Variants in ZCCHC7 observed in about 807,000 individuals in gnomAD.
The protein encoded by ZCCHC7 is zinc finger CCHC-type containing 7, also known as zinc finger CCHC domain-containing protein 7.
A neutral mutation model predicts 52.0 loss-of-function variants in ZCCHC7; 35 were observed. The observed-to-expected ratio is 0.67, with a 90% CI of 0.51 to 0.89. ZCCHC7 has a LOEUF of 0.89. Ranked by LOEUF, ZCCHC7 falls within the 40% of genes least tolerant of loss-of-function variation. ZCCHC7 has a pLI of 0.00. For synonymous variants in ZCCHC7, 217 were observed against 221.5 expected (o/e 0.98, Z 0.18); for missense variants, 574 against 649.1 (o/e 0.88, Z 1.26).
chr9:37,124,451 A>G (rs1842455961), intron 1 of ZCCHC7, among the ~76,000 whole-genome samples: 2 of 151,976 alleles, frequency 1.3e-5, no homozygotes, highest in Non-Finnish European at 2.9e-5. Flanking sequence ...TTATGAATTC[A>G]GCAAACGTTT....
chr9:37,167,245 A>G (rs1291165777), intron 2 of ZCCHC7, among the ~76,000 whole-genome samples: 1 of 148,450 alleles, frequency 6.7e-6, no homozygotes, highest in Non-Finnish European at 1.5e-5. Context: ...TTAATACCAG[A>G]TATTGTAGCT....
chr9:37,242,011 G>A (rs1400721842), intron 2 of ZCCHC7, among the ~76,000 whole-genome samples: 2 of 151,506 alleles, frequency 1.3e-5, no homozygotes, highest in African/African-American at 4.9e-5. Flanking sequence ...TAGTGATGCT[G>A]ATATTTTCTC....
rs1281424844 is a variant in ZCCHC7, at chr9:37,136,008, T to C, written c.610+9066T>C. 3.3e-5 allele frequency among the ~76,000 whole-genome samples: 5 copies of C among 152,136 alleles called. No homozygotes were observed. In the East Asian group the frequency reaches 9.6e-4, roughly 29 times the overall value. ...GAATTTTAGGTTTTCTAGTAAATCA[T>C]TTTGTTTGATCTAGGTCTTTACATA... On this transcript the variant is annotated intron_variant, in intron 2 of 8. Coordinates refer to ENST00000336755, the MANE Select transcript of ZCCHC7 (RefSeq NM_032226.3).
At chr9:37,123,359 T>A (rs908066193) in intron 1 of ZCCHC7, among the ~76,000 whole-genome samples, 24 of 152,206 alleles carry the variant, frequency 1.6e-4, no homozygotes, top group African/African-American at 5.1e-4. Flanking sequence ...AACCCTGGCA[T>A]ACATAAACTA....
At chr9:37,203,750 T>G (rs899316757) in intron 2 of ZCCHC7, among the ~76,000 whole-genome samples, 1 of 152,224 alleles carries the variant, frequency 6.6e-6, no homozygotes, top group African/African-American at 2.4e-5. Flanking sequence ...GTATTGTGAA[T>G]AGTGTTGCAG....
At position 37,356,913 on chromosome 9, in the gene ZCCHC7, A is replaced by T. The variant is rs1221358080; in HGVS notation, c.1277A>T (p.Asp426Val). Reference protein sequence around the residue: ...IKAANENPHHDIRKGRASWKS... With the variant: ...IKAANENPHHVIRKGRASWKS... ...GCAGCAAATGAGAACCCCCACCATGATATAAGGAAGGGCCGTGCCTCATGG... is the reference window on the plus strand; with the variant it reads ...GCAGCAAATGAGAACCCCCACCATGTTATAAGGAAGGGCCGTGCCTCATGG... Residue 426 changes from aspartate to valine, a missense_variant, in exon 9 of 9, where the codon GAT (aspartate) becomes GTT (valine). By Grantham distance (152) the Asp-to-Val change is radical (BLOSUM62 -3). Around this residue, in one of 3 missense-constraint regions of ZCCHC7, gnomAD observed 168 missense variants for 171.6 expected, o/e 0.98. Coordinates refer to ENST00000336755, the MANE Select transcript of ZCCHC7 (RefSeq NM_032226.3). 1 of 1,613,782 alleles carries T rather than the reference A, an allele frequency of 6.2e-7. No individual in the cohort carries two copies. Among genetic ancestry groups the T allele is most frequent in the South Asian group, 1.1e-5 (1 of 91,022 alleles).
At position 37,230,472 on chromosome 9, in the gene ZCCHC7, G is replaced by T. The variant is rs78073952; in HGVS notation, c.611-71716G>T. ...TTGGGAAGAAAGGACATAACAGCAAGATCTCACTTTTGTTGGGAAAAAATG... is the reference window on the plus strand; with the variant it reads ...TTGGGAAGAAAGGACATAACAGCAATATCTCACTTTTGTTGGGAAAAAATG... On this transcript the variant is annotated intron_variant, in intron 2 of 8. Transcript: ENST00000336755. 7.6e-4 allele frequency among the ~76,000 whole-genome samples: 116 copies of T among 152,248 alleles called. No homozygotes were observed. In the East Asian group the frequency reaches 0.021, roughly 27 times the overall value.
chr9:37,320,454 T>C (rs1300399889), intron 5 of ZCCHC7, among the ~76,000 whole-genome samples: 1 of 152,226 alleles, frequency 6.6e-6, no homozygotes, highest in Non-Finnish European at 1.5e-5. Flanking sequence ...TAGAATCACC[T>C]TGTCTGTACT....
chr9:37,189,523 A>G (rs1822906784), intron 2 of ZCCHC7, among the ~76,000 whole-genome samples: 1 of 152,098 alleles, frequency 6.6e-6, no homozygotes, highest in African/African-American at 2.4e-5. Flanking sequence ...AGTAGCTAGG[A>G]TTACAGGTGC....
chr9:37,220,625 G>A (rs1057042230), intron 2 of ZCCHC7, among the ~76,000 whole-genome samples: 3 of 152,170 alleles, frequency 2.0e-5, no homozygotes, highest in Non-Finnish European at 2.9e-5. Context: ...GAAAGAGCGA[G>A]AAATTACTGA....
intron 2 of ZCCHC7, among the ~76,000 whole-genome samples, chr9:37,299,952 G>T (rs1828956013): frequency 6.6e-6 from 1 of 152,090 alleles, no homozygotes; most frequent in Admixed American, 6.6e-5. Flanking sequence ...GTTTTCATAG[G>T]CTGTGAAACC....
At chr9:37,319,565 C>T (rs759422104) in intron 5 of ZCCHC7, among the ~76,000 whole-genome samples, 45 of 152,056 alleles carry the variant, frequency 3.0e-4, no homozygotes, top group Non-Finnish European at 5.6e-4. Flanking sequence ...GTTGTTGGGA[C>T]GACAGGCACG....
intron 2 of ZCCHC7, among the ~76,000 whole-genome samples, chr9:37,265,331 T>G (rs943241127): frequency 6.6e-6 from 1 of 152,064 alleles, no homozygotes; most frequent in African/African-American, 2.4e-5. Context: ...CTTCCTAGGA[T>G]CCTAGGATTC....
Position 37,204,663 on chromosome 9 carries a change from T to C in ZCCHC7, c.610+77721T>C, listed in dbSNP as rs535225781. Among the ~76,000 whole-genome samples the C allele has an allele frequency of 1.4e-4, 21 of 152,334 alleles. No individual in the cohort carries two copies. The South Asian group carries it at 2.9e-3, about 21-fold the overall frequency. On this transcript the variant is annotated intron_variant, in intron 2 of 8. Coordinates refer to ENST00000336755, the MANE Select transcript of ZCCHC7 (RefSeq NM_032226.3). ...AGGTCACTATTCTGTTCCACTGGTC[T>C]ATATGTCTGTTTTGGTACCAGTACC...
chr9:37,169,805 C>T (rs907269542), intron 2 of ZCCHC7, among the ~76,000 whole-genome samples: 1 of 152,084 alleles, frequency 6.6e-6, no homozygotes, highest in Non-Finnish European at 1.5e-5. Flanking sequence ...CTTATGCCTG[C>T]AGTCCCACCC....
intron 2 of ZCCHC7, among the ~76,000 whole-genome samples, chr9:37,156,636 T>C (rs1015923805): frequency 6.6e-6 from 1 of 152,250 alleles, no homozygotes; most frequent in African/African-American, 2.4e-5. Context: ...ATAAAATAAA[T>C]CATCGTTAAA....
intron 2 of ZCCHC7, among the ~76,000 whole-genome samples, chr9:37,282,856 T>G (rs1588608537): frequency 7.2e-6 from 1 of 138,042 alleles, no homozygotes; most frequent in African/African-American, 2.7e-5. Flanking sequence ...AAGAAAAGAG[T>G]CAAGAAGACC....
At chr9:37,149,072 A>G (rs1000969487) in intron 2 of ZCCHC7, among the ~76,000 whole-genome samples, 23 of 152,324 alleles carry the variant, frequency 1.5e-4, no homozygotes, top group South Asian at 4.1e-4. Context: ...AACCTACTCT[A>G]TAGTGTCCTA....
intron 2 of ZCCHC7, among the ~76,000 whole-genome samples, chr9:37,290,525 A>G (rs1387885021): frequency 1.3e-5 from 2 of 152,080 alleles, no homozygotes; most frequent in African/African-American, 2.4e-5. Context: ...GTGTGGTGGC[A>G]TGTCGCAGTA....
Sources: gnomAD v4.1 joint callset for allele counts (sites outside exome capture counted in the v4.1 genomes callset) on GRCh38, gnomAD v4.1.1 for gene constraint, gnomAD v4.1.1 regional missense constraint, MANE v1.5 for transcripts, NCBI Gene and HGNC (gene_info 2026-07-23, HGNC 2026-07-21) for gene names.